The following NLRP14 variants were observed in gnomAD, a reference collection of about 807,000 sequenced individuals.
NLRP14 encodes the protein NLR family pyrin domain containing 14.
A neutral mutation model predicts 94.7 loss-of-function variants in NLRP14; 105 were observed. The observed-to-expected ratio is 1.11, with a 90% CI of 0.95 to 1.30. NLRP14 has a LOEUF of 1.30. NLRP14 is among the 50% of genes most tolerant of loss of function. The pLI is 0.00. For synonymous variants in NLRP14, 508 were observed against 459.9 expected (o/e 1.10, Z -1.34); for missense variants, 1,362 against 1,254.1 (o/e 1.09, Z -1.30).
chr11:7,085,525 AG>A, the NLRP14 span, among the ~76,000 whole-genome samples: 1 of 152,178 alleles, frequency 6.6e-6, no homozygotes, highest in Non-Finnish European at 1.5e-5. Context: ...AATGTCCTTA[AG>A]GTTCATCCAT....
At chr11:7,051,087 G>C (rs1481676267) in intron 6 of NLRP14, among the ~76,000 whole-genome samples, 1 of 152,198 alleles carries the variant, frequency 6.6e-6, no homozygotes, top group Non-Finnish European at 1.5e-5. Context: ...GTCGTCCGCT[G>C]GTAAGCCTTG....
the NLRP14 span, chr11:7,089,652 C>A: frequency 5.8e-6 from 8 of 1,388,620 alleles, no homozygotes; most frequent in Non-Finnish European, 6.5e-6. Flanking sequence ...CGGTGGAATG[C>A]GCGGGAGGGC....
chr11:7,030,513 AC>A (rs1400728930), intron 1 of NLRP14, among the ~76,000 whole-genome samples: 1 of 150,446 alleles, frequency 6.6e-6, no homozygotes, highest in African/African-American at 2.4e-5. Context: ...AATAGGACCC[AC>A]CCCCACTTTT....
At chr11:7,046,468 C>G (rs938089276) in intron 4 of NLRP14, among the ~76,000 whole-genome samples, 200 bp from the exon 5 acceptor site, 2 of 152,048 alleles carry the variant, frequency 1.3e-5, no homozygotes, top group Non-Finnish European at 2.9e-5. Context: ...GGATGGGAAA[C>G]GGGAGAGCTA....
At chr11:7,071,079 G>T in intron 11 of NLRP14, 94 bp from the exon 12 acceptor site, 8 of 1,436,376 alleles carry the variant, frequency 5.6e-6, no homozygotes, top group Non-Finnish European at 7.8e-6. Context: ...TAACAGAACA[G>T]TTTTTTTTCT....
rs1852276630 is a variant in NLRP14 at position 7,042,660 on chromosome 11, T to G, written c.634T>G (p.Tyr212Asp). The change falls in exon 4 of 12, where the codon TAT becomes GAT. Residue 212 changes from tyrosine to aspartate, a missense_variant. By Grantham distance (160) the Tyr-to-Asp change is radical. Transcript: ENST00000299481. ...CAGTCTCTACCAGCAGAGGTTTAAG[T>G]ATGTTTTTTATCTCAATGGGAGAGA... ...EGSLYQQRFK[Y>D]VFYLNGREIN... 2 of 1,614,228 alleles carry G rather than the reference T, an allele frequency of 1.2e-6. No individual in the cohort carries two copies. Among genetic ancestry groups the G allele is most frequent in the East Asian group, 4.5e-5 (2 of 44,892 alleles).
the NLRP14 span, chr11:7,089,681 A>C: frequency 2.1e-5 from 30 of 1,423,386 alleles, no homozygotes; most frequent in East Asian, 8.7e-5. Context: ...TGCGGGGGCG[A>C]GACGGCTACT....
At chr11:7,080,667 C>T in the NLRP14 span, among the ~76,000 whole-genome samples, 23 of 152,270 alleles carry the variant, frequency 1.5e-4, no homozygotes, top group African/African-American at 5.5e-4. Context: ...TCATACATAG[C>T]AGTGTGCTTA....
chr11:7,045,810 A>C (rs1852339366), intron 4 of NLRP14, among the ~76,000 whole-genome samples: 2 of 151,872 alleles, frequency 1.3e-5, no homozygotes, highest in Admixed American at 1.3e-4. Context: ...ATAGCATGAG[A>C]CATTTGCTAA....
intron 11 of NLRP14, 75 bp downstream of exon 11, chr11:7,070,531 C>A: frequency 9.9e-7 from 1 of 1,013,684 alleles, no homozygotes; most frequent in Non-Finnish European, 1.5e-6. Flanking sequence ...TTAATACAGG[C>A]CTCAGAATCC....
intron 9 of NLRP14, among the ~76,000 whole-genome samples, 186 bp from the exon 10 acceptor site, chr11:7,062,147 G>A (rs1316472297): frequency 6.6e-6 from 1 of 151,866 alleles, no homozygotes; most frequent in Non-Finnish European, 1.5e-5. Flanking sequence ...TTTACCTGCT[G>A]GTTTATTCTG....
downstream of NLRP14, among the ~76,000 whole-genome samples, chr11:7,075,906 G>T (rs1190609939): frequency 6.6e-6 from 1 of 152,126 alleles, no homozygotes; most frequent in Non-Finnish European, 1.5e-5. Context: ...AAAGCCCACA[G>T]TTATGTTCGA....
chr11:7,034,521 A>G (rs2119582760), intron 1 of NLRP14, among the ~76,000 whole-genome samples: 1 of 152,268 alleles, frequency 6.6e-6, no homozygotes, highest in Non-Finnish European at 1.5e-5. Flanking sequence ...GTTAATTCAA[A>G]CAGTTTTAAA....
At chr11:7,078,313 C>T in the NLRP14 span, among the ~76,000 whole-genome samples, 1 of 150,858 alleles carries the variant, frequency 6.6e-6, no homozygotes, top group Non-Finnish European at 1.5e-5. Context: ...TGGCGGGCAC[C>T]TGTAGTCCCA....
At chr11:7,085,660 C>G in the NLRP14 span, among the ~76,000 whole-genome samples, 517 of 148,852 alleles carry the variant, frequency 3.5e-3, 7 homozygotes, top group African/African-American at 0.012. Context: ...CCACTAAGTC[C>G]CTGATATAAA....
chr11:7,083,297 C>T, the NLRP14 span, among the ~76,000 whole-genome samples: 7 of 152,296 alleles, frequency 4.6e-5, no homozygotes, highest in Middle Eastern at 3.4e-3. Flanking sequence ...AATGCCCATT[C>T]CAATTCTCTA....
the NLRP14 span, chr11:7,089,684 C>G: frequency 6.7e-7 from 1 of 1,501,806 alleles, no homozygotes; most frequent in Non-Finnish European, 8.9e-7. Context: ...GGGGGCGAGA[C>G]GGCTACTCAG....
intron 1 of NLRP14, among the ~76,000 whole-genome samples, chr11:7,035,470 A>G (rs1852148322): frequency 6.6e-6 from 1 of 152,216 alleles, no homozygotes; most frequent in Admixed American, 6.5e-5. Flanking sequence ...CAGGGTTCTA[A>G]TTGGCATCAA....
chr11:7,058,225 G>A, intron 7 of NLRP14, 55 bp from the exon 8 acceptor site: 1 of 1,479,136 alleles, frequency 6.8e-7, no homozygotes. Context: ...TGAAGGAGAA[G>A]AGAAGCATGG....
Sources: gnomAD v4.1 joint callset for allele counts (sites outside exome capture counted in the v4.1 genomes callset) on GRCh38, gnomAD v4.1.1 for gene constraint, MANE v1.5 for transcripts, NCBI Gene and HGNC (gene_info 2026-07-23, HGNC 2026-07-21) for gene names.